GLIS3: variants seen among roughly 807,000 people sequenced by gnomAD.
GLIS3 encodes the protein GLIS family zinc finger 3.
A neutral mutation model predicts 78.6 loss-of-function variants in GLIS3; 53 were observed. The ratio of observed to expected loss-of-function variants is 0.67; its 90% CI spans 0.54 to 0.85. GLIS3 has a LOEUF of 0.85. Among genes scored for constraint, GLIS3 ranks in the 40% least tolerant of loss-of-function variants. GLIS3 has a pLI of 0.00. For synonymous variants in GLIS3, 684 were observed against 509.9 expected (o/e 1.34, Z -4.60); for missense variants, 1,703 against 1,231.1 (o/e 1.38, Z -5.74).
the GLIS3 span, among the ~76,000 whole-genome samples, chr9:4,457,573 C>A: frequency 3.0e-4 from 46 of 151,960 alleles, no homozygotes; most frequent in Non-Finnish European, 4.6e-4. Context: ...ACTGGCCAGG[C>A]GTGGTGGCTC....
intron 2 of GLIS3, among the ~76,000 whole-genome samples, chr9:4,219,559 A>T (rs1197859382): frequency 2.6e-5 from 4 of 152,212 alleles, no homozygotes; most frequent in Non-Finnish European, 4.4e-5. Context: ...ATCTCAAACG[A>T]TCATTCAAAT....
chr9:3,854,049 G>C (rs1462711070), intron 9 of GLIS3, among the ~76,000 whole-genome samples: 1 of 152,172 alleles, frequency 6.6e-6, no homozygotes, highest in Non-Finnish European at 1.5e-5. Context: ...TTGTGTCTTA[G>C]AATCAATGGC....
At chr9:4,378,260 T>TA in the GLIS3 span, among the ~76,000 whole-genome samples, 1 of 152,160 alleles carries the variant, frequency 6.6e-6, no homozygotes, top group Non-Finnish European at 1.5e-5. Flanking sequence ...AAAATAAAAT[T>TA]ACATAATGCC....
At chr9:4,227,203 G>A (rs1304308034) in intron 2 of GLIS3, among the ~76,000 whole-genome samples, 3 of 151,838 alleles carry the variant, frequency 2.0e-5, no homozygotes, top group African/African-American at 4.8e-5. Flanking sequence ...TTCCTCCCTC[G>A]GTTGGGTGTT....
intron 2 of GLIS3, among the ~76,000 whole-genome samples, chr9:4,176,787 C>G (rs1234358114): frequency 6.6e-6 from 1 of 152,190 alleles, no homozygotes; most frequent in African/African-American, 2.4e-5. Context: ...CCACGCCCAG[C>G]TCATTTTTGT....
At chr9:4,048,262 T>A (rs1457143899) in intron 4 of GLIS3, among the ~76,000 whole-genome samples, 2 of 152,194 alleles carry the variant, frequency 1.3e-5, no homozygotes, top group East Asian at 1.9e-4. Context: ...ATGGTATTTT[T>A]AAATTCAGAA....
the GLIS3 span, among the ~76,000 whole-genome samples, chr9:4,404,657 A>G: frequency 6.6e-6 from 1 of 152,206 alleles, no homozygotes; most frequent in Non-Finnish European, 1.5e-5. Context: ...AAACTGAAAG[A>G]TTTCTTGAAA....
chr9:4,108,519 C>T (rs892185844), intron 4 of GLIS3, among the ~76,000 whole-genome samples: 2 of 152,170 alleles, frequency 1.3e-5, no homozygotes, highest in Non-Finnish European at 2.9e-5. Context: ...TACAACTGTT[C>T]TCCCAACCCC....
the GLIS3 span, among the ~76,000 whole-genome samples, chr9:4,390,739 G>A: frequency 6.6e-6 from 1 of 152,118 alleles, no homozygotes; most frequent in Non-Finnish European, 1.5e-5. Flanking sequence ...TGTGGGACAG[G>A]ACAGATACTC....
intron 4 of GLIS3, among the ~76,000 whole-genome samples, chr9:4,029,026 T>C (rs768555048): frequency 6.6e-6 from 1 of 152,088 alleles, no homozygotes; most frequent in Non-Finnish European, 1.5e-5. Flanking sequence ...AAGATGATGA[T>C]GAAGAAGGAG....
intron 4 of GLIS3, among the ~76,000 whole-genome samples, chr9:3,942,357 G>A (rs16920094): frequency 0.16 from 24,986 of 152,096 alleles, 2,088 homozygotes; most frequent in Middle Eastern, 0.24. Flanking sequence ...CATGCAGCAA[G>A]AACTGACTGA....
At chr9:4,221,533 A>C (rs1821329078) in intron 2 of GLIS3, among the ~76,000 whole-genome samples, 1 of 152,208 alleles carries the variant, frequency 6.6e-6, no homozygotes, top group Non-Finnish European at 1.5e-5. Context: ...TTAGTGAAGC[A>C]AGAGGCTTCG....
intron 2 of GLIS3, among the ~76,000 whole-genome samples, chr9:4,341,823 C>A (rs1817837661): frequency 6.6e-6 from 1 of 152,186 alleles, no homozygotes; most frequent in Non-Finnish European, 1.5e-5. Context: ...CTGTCATCAC[C>A]TTTTTCCCAC....
At chr9:3,862,684 A>G (rs887563996) in intron 8 of GLIS3, among the ~76,000 whole-genome samples, 3 of 152,120 alleles carry the variant, frequency 2.0e-5, no homozygotes, top group Non-Finnish European at 4.4e-5. Context: ...CTTTGAAAAG[A>G]AGGAATTTGT....
chr9:4,401,250 A>C, the GLIS3 span, among the ~76,000 whole-genome samples: 2 of 151,752 alleles, frequency 1.3e-5, no homozygotes, highest in Non-Finnish European at 2.9e-5. Context: ...TCTTGGGTTT[A>C]TTTCTGTTTG....
intron 2 of GLIS3, among the ~76,000 whole-genome samples, chr9:4,212,713 G>T (rs997211669): frequency 2.0e-5 from 3 of 152,306 alleles, no homozygotes; most frequent in African/African-American, 7.2e-5. Context: ...AGATACAGAA[G>T]CCTAGAGGCA....
chr9:4,124,655 C>T (rs910313940), intron 3 of GLIS3, among the ~76,000 whole-genome samples: 3 of 152,080 alleles, frequency 2.0e-5, no homozygotes, highest in African/African-American at 7.2e-5. Flanking sequence ...ATAAATGATT[C>T]AGGAACTATG....
chr9:4,219,000 T>C (rs1005663854), intron 2 of GLIS3, among the ~76,000 whole-genome samples: 22 of 152,238 alleles, frequency 1.4e-4, no homozygotes, highest in Non-Finnish European at 4.4e-5. Context: ...CATTACTGTA[T>C]CCCTATTATC....
chr9:4,319,206 G>T (rs1260390035), intron 2 of GLIS3, among the ~76,000 whole-genome samples: 2 of 152,146 alleles, frequency 1.3e-5, no homozygotes, highest in Admixed American at 1.3e-4. Flanking sequence ...TTAGGTAATG[G>T]TATTGCATTA....
Sources: gnomAD v4.1 joint callset for allele counts (sites outside exome capture counted in the v4.1 genomes callset) on GRCh38, gnomAD v4.1.1 for gene constraint, MANE v1.5 for transcripts, NCBI Gene and HGNC (gene_info 2026-07-23, HGNC 2026-07-21) for gene names.